UBE2G1: variants seen among roughly 807,000 people sequenced by gnomAD.
UBE2G1 encodes ubiquitin-conjugating enzyme E2 G1.
UBE2G1 carries 5 observed loss-of-function variants against 22.7 expected under a neutral mutation model. The observed-to-expected ratio is 0.22, with a 90% CI of 0.12 to 0.46. UBE2G1 has a LOEUF of 0.46. Among genes scored for constraint, UBE2G1 ranks in the 20% least tolerant of loss-of-function variants. The probability of loss-of-function intolerance (pLI) is 0.99; values close to 1 mark genes in which losing one functional copy is unlikely to be tolerated. For missense variants in UBE2G1, 88 were observed against 203.9 expected (o/e 0.43, Z 3.46); for synonymous variants, 74 against 67.5 (o/e 1.10, Z -0.47).
In UBE2G1 at chr17:4,333,213, G is replaced by T. The variant is rs186572571; in HGVS notation, c.47-26090C>A. Among the ~76,000 whole-genome samples, 116 of 152,204 alleles carry T rather than the reference G, an allele frequency of 7.6e-4. 3 individuals carry two copies. The East Asian group carries it at 0.016, about 21-fold the overall frequency. ...CGCCAGACCGTAAATTCCACCTATCGCAATATTGAGTAAGTTGCTGGCATA... is the reference window on the plus strand; with the variant it reads ...CGCCAGACCGTAAATTCCACCTATCTCAATATTGAGTAAGTTGCTGGCATA... On this transcript the variant is annotated intron_variant, in intron 1 of 5. Transcript: ENST00000396981.
intron 1 of UBE2G1, among the ~76,000 whole-genome samples, chr17:4,333,723 A>C (rs1466535650): frequency 6.6e-6 from 1 of 152,066 alleles, no homozygotes; most frequent in African/African-American, 2.4e-5. Context: ...GGGGAGGCTG[A>C]GGCAGGGGAA....
rs527867360 is a variant in UBE2G1, at chr17:4,327,633, G to A, written c.47-20510C>T. Among the ~76,000 whole-genome samples the A allele has an allele frequency of 3.9e-4, 59 of 152,200 alleles. 1 individual carries two copies. The highest frequency in any genetic ancestry group is 1.4e-3 in the African/African-American group (58 of 41,518). ...TAGTTAAGTACAGTAGTGAGAAGGG[G>A]GAAGAGTAGAATGGAGTAGTTAAAA... On this transcript the variant is annotated intron_variant, in intron 1 of 5. Coordinates refer to ENST00000396981, the MANE Select transcript of UBE2G1 (RefSeq NM_003342.5).
At chr17:4,279,217 G>T (rs190177656) in intron 5 of UBE2G1, among the ~76,000 whole-genome samples, 1 of 150,918 alleles carries the variant, frequency 6.6e-6, no homozygotes, top group African/African-American at 2.4e-5. Flanking sequence ...GGAGGTTGCA[G>T]TGAGCTGAGA....
chr17:4,302,620 T>C (rs1471326420), intron 2 of UBE2G1: 8 of 366,760 alleles, frequency 2.2e-5, no homozygotes, highest in Non-Finnish European at 4.3e-5. Flanking sequence ...TCTTACTCTA[T>C]TTTGTGAATC....
At chr17:4,350,666 CAGCT>C (rs1969834554) in intron 1 of UBE2G1, among the ~76,000 whole-genome samples, 1 of 152,106 alleles carries the variant, frequency 6.6e-6, no homozygotes, top group African/African-American at 2.4e-5. Context: ...TTAGATGATG[CAGCT>C]ATATCATTTT....
intron 2 of UBE2G1, chr17:4,302,081 G>C: frequency 1.9e-6 from 1 of 519,686 alleles, no homozygotes. Context: ...CTGATGTAAA[G>C]GATTTCTCCT....
At chr17:4,328,919 T>A (rs1038820944) in intron 1 of UBE2G1, among the ~76,000 whole-genome samples, 3 of 151,788 alleles carry the variant, frequency 2.0e-5, no homozygotes, top group African/African-American at 7.3e-5. Context: ...ACTCCGTCTC[T>A]ACTAAAAATA....
In UBE2G1 at chr17:4,363,620, C is replaced by G. The variant is rs926057921; in HGVS notation, c.46+2651G>C. On this transcript the variant is annotated intron_variant, in intron 1 of 5. Coordinates refer to ENST00000396981, the MANE Select transcript of UBE2G1 (RefSeq NM_003342.5). ...TTACTTTCTTAGTAATGCATAACTT[C>G]TTTCACACCTTTTAAATGTTTATCT... is the stretch of plus-strand genomic sequence containing the variant. 3.3e-5 allele frequency among the ~76,000 whole-genome samples: 5 copies of G among 152,202 alleles called. 1 individual carries two copies. Among genetic ancestry groups the G allele is most frequent in the South Asian group, 2.1e-4 (1 of 4,828 alleles).
chr17:4,321,429 G>GT (rs1004227681), intron 1 of UBE2G1, among the ~76,000 whole-genome samples: 37 of 151,550 alleles, frequency 2.4e-4, no homozygotes, highest in Non-Finnish European at 4.4e-4. Context: ...CCCCCACCCC[G>GT]TTTTTTTTAC....
chr17:4,347,501 G>C (rs184807163), intron 1 of UBE2G1, among the ~76,000 whole-genome samples: 2 of 112,340 alleles, frequency 1.8e-5, no homozygotes, highest in Admixed American at 2.3e-4. Flanking sequence ...TGGACATAGA[G>C]TCTCGCTCTG....
intron 1 of UBE2G1, among the ~76,000 whole-genome samples, chr17:4,338,863 C>T (rs908257275): frequency 1.4e-4 from 21 of 152,116 alleles, no homozygotes; most frequent in African/African-American, 4.3e-4. Context: ...ATCCCTTCAG[C>T]GGCTAGATAA....
intron 1 of UBE2G1, among the ~76,000 whole-genome samples, chr17:4,354,870 G>A (rs770321361): frequency 2.0e-5 from 3 of 152,112 alleles, no homozygotes; most frequent in Non-Finnish European, 4.4e-5. Flanking sequence ...CTGGGAGATT[G>A]AGGCTGCAGT....
At chr17:4,293,238 T>A (rs1200114948) in intron 3 of UBE2G1, among the ~76,000 whole-genome samples, 1 of 152,234 alleles carries the variant, frequency 6.6e-6, no homozygotes, top group Admixed American at 6.5e-5. Flanking sequence ...TCGTACACTA[T>A]GTCACCTTTT....
At chr17:4,296,872 A>C in intron 2 of UBE2G1, 58 bp from the exon 3 acceptor site, 1 of 1,463,982 alleles carries the variant, frequency 6.8e-7, no homozygotes, top group Non-Finnish European at 9.5e-7. Context: ...TAAGTATAGA[A>C]GTGTTAAAAC....
At chr17:4,294,297 T>A (rs1404616823) in intron 3 of UBE2G1, among the ~76,000 whole-genome samples, 1 of 151,706 alleles carries the variant, frequency 6.6e-6, no homozygotes, top group Non-Finnish European at 1.5e-5. Context: ...ACACCTGTAA[T>A]CCCAGCTACT....
At chr17:4,319,732 AAAAG>A (rs952611603) in intron 1 of UBE2G1, among the ~76,000 whole-genome samples, 6 of 152,152 alleles carry the variant, frequency 3.9e-5, no homozygotes, top group South Asian at 2.1e-4. Flanking sequence ...CGAAAAAAAA[AAAAG>A]AGAGAGAGAG....
At chr17:4,344,149 A>T (rs1050456008) in intron 1 of UBE2G1, among the ~76,000 whole-genome samples, 8 of 152,186 alleles carry the variant, frequency 5.3e-5, no homozygotes, top group African/African-American at 1.9e-4. Context: ...AGGAGGAATA[A>T]ATTGCATACC....
At chr17:4,293,064 T>G (rs1969061993) in intron 3 of UBE2G1, among the ~76,000 whole-genome samples, 1 of 152,182 alleles carries the variant, frequency 6.6e-6, no homozygotes, top group Non-Finnish European at 1.5e-5. Flanking sequence ...GTACAATCAA[T>G]ACCACAATCA....
chr17:4,323,575 G>A (rs2143764466), intron 1 of UBE2G1, among the ~76,000 whole-genome samples: 1 of 152,310 alleles, frequency 6.6e-6, no homozygotes, highest in South Asian at 2.1e-4. Flanking sequence ...AGACTGGGCT[G>A]AGAGAACAGC....
Sources: allele counts gnomAD v4.1 joint callset (sites outside exome capture counted in the v4.1 genomes callset), GRCh38; gene constraint gnomAD v4.1.1; transcripts MANE v1.5; gene names NCBI Gene and HGNC (gene_info 2026-07-23, HGNC 2026-07-21).